GRM6: variants seen among roughly 807,000 people sequenced by gnomAD.
GRM6 encodes glutamate metabotropic receptor 6, also known as metabotropic glutamate receptor 6.
A neutral mutation model predicts 78.4 loss-of-function variants in GRM6; 73 were observed. That is an observed-to-expected ratio of 0.93 (90% CI 0.77 to 1.13). GRM6 has a LOEUF of 1.13. Ranked by LOEUF, GRM6 falls within the 50% of genes most tolerant of loss-of-function variation. GRM6 has a pLI of 0.00. For synonymous variants in GRM6, 580 were observed against 555.0 expected (o/e 1.05, Z -0.63); for missense variants, 1,251 against 1,256.4 (o/e 1.00, Z 0.07).
chr5:178,995,010 A>T, intron 1 of GRM6, 50 bp from the exon 2 acceptor site: 1 of 1,011,108 alleles, frequency 9.9e-7, no homozygotes, highest in East Asian at 5.8e-5. Flanking sequence ...GGGGAAGGAG[A>T]GCGCGGGCTC....
At chr5:178,987,168 C>T in intron 7 of GRM6, 185 bp from the exon 8 acceptor site, 2 of 713,210 alleles carry the variant, frequency 2.8e-6, no homozygotes, top group Non-Finnish European at 5.0e-6. Context: ...AGCCAAGAAC[C>T]AGAAAATAAC....
In GRM6 at chr5:178,978,713, CAT is replaced by C. The variant is rs1457897994; in HGVS notation, c.*2942_*2943del. ...ACCCAGAACTCCATTTTCACTGGAA[CAT>C]ATAATTCATACAAATAATTCAAGGG... On this transcript the variant is annotated 3_prime_UTR_variant, in exon 11 of 11. Coordinates refer to ENST00000517717, the MANE Select transcript of GRM6 (RefSeq NM_000843.4). 1 of 152,184 alleles carries C rather than the reference CAT, an allele frequency of 6.6e-6. No homozygotes were observed. The highest frequency in any genetic ancestry group is 1.5e-5 in the Non-Finnish European group (1 of 68,038). The allele number at this position is 152,184 out of a possible 1,614,324, so 9.4% of individuals were successfully genotyped here.
chr5:178,994,758 C>A lies in GRM6; in HGVS notation c.187G>T (p.Glu63Ter). ...AGRACGQLKK[E>*]QGVHRLEAML... ...GCCTCCAGCCGGTGCACGCCCTGCT[C>A]CTTCTTCAGCTGCCCGCACGCCCGG... is the stretch of plus-strand genomic sequence containing the variant. Residue 63 changes from glutamate to a stop codon, truncating the protein, a stop_gained, in exon 2 of 11, where the codon GAG becomes TAG. Transcript: ENST00000517717. LOFTEE classifies it high-confidence loss of function. 7.1e-7 allele frequency: 1 copy of A among 1,403,828 alleles called. No individual in the cohort carries two copies. Among genetic ancestry groups the A allele is most frequent in the Non-Finnish European group, 9.3e-7 (1 of 1,073,492 alleles). 87.0% of individuals were successfully genotyped at this position (1,403,828 alleles called of 1,614,324 possible). A position where few individuals can be genotyped will look rare whatever the true frequency, so the allele number is the denominator to read the frequency against.
Position 178,981,997 on chromosome 5 carries a change from G to A in GRM6, c.2437-143C>T. 4.0e-6 allele frequency: 3 copies of A among 751,410 alleles called. No homozygotes were observed. The highest frequency in any genetic ancestry group is 2.8e-5 in the South Asian group (2 of 70,292). The allele number at this position is 751,410 out of a possible 1,614,324, so 46.5% of individuals were successfully genotyped here. A position where few individuals can be genotyped will look rare whatever the true frequency, so the allele number is the denominator to read the frequency against. ...AGCACTTAGACCAGGACAACAGTAT[G>A]AGCAGGGGCCCCGCGCCTGAGGGGC... On this transcript the variant is annotated intron_variant, in intron 10 of 10. Coordinates refer to ENST00000517717, the MANE Select transcript of GRM6 (RefSeq NM_000843.4). The surrounding 1 kb of genome is among the most constrained non-coding windows in gnomAD (Gnocchi z 5.1).
At position 178,991,627 on chromosome 5, in the gene GRM6, C is replaced by T. The variant is rs779518997; in HGVS notation, c.722-68G>A. The T allele has an allele frequency of 6.6e-7, 1 of 1,520,792 alleles. No individual in the cohort carries two copies. Among genetic ancestry groups the T allele is most frequent in the Admixed American group, 1.7e-5 (1 of 59,536 alleles). The allele number at this position is 1,520,792 out of a possible 1,614,324, so 94.2% of individuals were successfully genotyped here. ...CCACACACCCACCTGGCCACCGCTG[C>T]AGAGGACTGTGTAGGCTGGCTGAAG... On this transcript the variant is annotated intron_variant, in intron 3 of 10. Coordinates refer to ENST00000517717, the MANE Select transcript of GRM6 (RefSeq NM_000843.4). The surrounding 1 kb of genome is among the most constrained non-coding windows in gnomAD (Gnocchi z 5.0).
At chr5:178,985,152 A>C in intron 9 of GRM6, 1 of 393,610 alleles carries the variant, frequency 2.5e-6, no homozygotes. Flanking sequence ...CCCAGGGAGC[A>C]GGGCAGCAGA....
chr5:178,991,819 G>A lies in GRM6; in HGVS notation c.721+48C>T, dbSNP rs757666149. 35 of 1,512,516 alleles carry A rather than the reference G, an allele frequency of 2.3e-5. No individual in the cohort carries two copies. Among genetic ancestry groups the A allele is most frequent in the Middle Eastern group, 3.4e-4 (2 of 5,898 alleles). 93.7% of individuals were successfully genotyped at this position (1,512,516 alleles called of 1,614,324 possible). On this transcript the variant is annotated intron_variant, in intron 3 of 10. Transcript: ENST00000517717. This position sits in a 1 kb window ranked among gnomAD's most constrained non-coding sequence, Gnocchi z 5.0. Reference sequence around the variant, plus strand: ...TGCTTCTGCCCCAACTGAGGGCCCCGGGCCCACACTATGTAGACTCCTTGG... The same window carrying A: ...TGCTTCTGCCCCAACTGAGGGCCCCAGGCCCACACTATGTAGACTCCTTGG...
rs70997654 is a variant in GRM6, at chr5:178,982,576, C to CAAAAAAAAAA, written c.2436+324_2436+333dup. 1.5e-4 allele frequency among the ~76,000 whole-genome samples: 3 copies of CAAAAAAAAAA among 20,184 alleles called. 1 individual carries two copies. Among genetic ancestry groups the CAAAAAAAAAA allele is most frequent in the Non-Finnish European group, 2.3e-4 (3 of 12,950 alleles). The allele number at this position is 20,184 out of a possible 152,430, so 13.2% of individuals were successfully genotyped here. On this transcript the variant is annotated intron_variant, in intron 10 of 10. Transcript: ENST00000517717. ...TGGGCAACAGAGTGAGACTCTGTCTCAAAAAAAAAAAAAAAAAAAAAAAAA... is the reference window on the plus strand; with the variant it reads ...TGGGCAACAGAGTGAGACTCTGTCTCAAAAAAAAAAAAAAAAAAAAAAAAAAAAAAAAAAA...
intron 8 of GRM6, 27 bp downstream of exon 8, chr5:178,986,811 C>T: frequency 1.9e-6 from 3 of 1,613,040 alleles, no homozygotes; most frequent in Non-Finnish European, 2.5e-6. Context: ...GGCCCATGCC[C>T]ACCTGGGGCT....
chr5:178,985,696 C>CT (rs1282257726), intron 9 of GRM6: 1 of 356,226 alleles, frequency 2.8e-6, no homozygotes, highest in African/African-American at 3.1e-5. Flanking sequence ...CAGCGAGACT[C>CT]TGTCTAAAAA....
intron 6 of GRM6, 54 bp downstream of exon 6, chr5:178,989,211 A>AACCCCCCCCCCCCCCCC: frequency 8.2e-6 from 1 of 121,736 alleles, no homozygotes. Context: ...CCCCCTCCCC[A>AACCCCCCCCCCCCCCCC]CCCTCACCAC....
chr5:178,986,948 C>G lies in GRM6; in HGVS notation c.1390G>C (p.Gly464Arg), dbSNP rs748724069. The change falls in exon 8 of 11, where the codon GGA becomes CGA. Residue 464 changes from glycine to arginine, a missense_variant. Gly to Arg is a moderately radical substitution (Grantham distance 125). Transcript: ENST00000517717. The part of the protein sequence containing the change: ...AGTPVMFNEN[G>R]DAPGRYDIFQ... ...ATGTCGTACCGCCCGGGCGCATCTC[C>G]GTTCTCGTTGAACATCACAGGGGTT... The G allele has an allele frequency of 2.0e-5, 33 of 1,613,896 alleles. No homozygotes were observed. Among genetic ancestry groups the G allele is most frequent in the African/African-American group, 4.0e-5 (3 of 74,938 alleles).
chr5:178,986,061 C>A, intron 9 of GRM6, 69 bp downstream of exon 9: 1 of 1,437,566 alleles, frequency 7.0e-7, no homozygotes, highest in Non-Finnish European at 9.5e-7. Flanking sequence ...TGTGCCTGGC[C>A]CTTTTGGCTT....
At chr5:178,984,798 G>C (rs774666612) in intron 9 of GRM6, among the ~76,000 whole-genome samples, 1 of 152,078 alleles carries the variant, frequency 6.6e-6, no homozygotes, top group Non-Finnish European at 1.5e-5. Flanking sequence ...AATAGAGAAG[G>C]GGCTCGCCGG....
Position 178,988,059 on chromosome 5 carries a change from C to A in GRM6, c.1354+876G>T, listed in dbSNP as rs1001952128. ...ACAGGAGTGAGCCATTGCGCCCAGA[C>A]TGAATGTATTTAATATCACTGAACT... On this transcript the variant is annotated intron_variant, in intron 7 of 10. Transcript: ENST00000517717. The surrounding 1 kb of genome is among the most constrained non-coding windows in gnomAD (Gnocchi z 6.0). Among the ~76,000 whole-genome samples the A allele has an allele frequency of 6.6e-6, 1 of 152,010 alleles. No individual in the cohort carries two copies. Among genetic ancestry groups the A allele is most frequent in the African/African-American group, 2.4e-5 (1 of 41,376 alleles).
At chr5:178,985,662 C>T (rs1159090820) in intron 9 of GRM6, 1 of 396,208 alleles carries the variant, frequency 2.5e-6, no homozygotes, top group Non-Finnish European at 4.9e-6. Flanking sequence ...GAGATAGTGC[C>T]ACTGCACTCC....
Position 178,991,701 on chromosome 5 carries a change from AG to A in GRM6, c.722-143del. 1 of 1,198,138 alleles carries A rather than the reference AG, an allele frequency of 8.3e-7. No individual in the cohort carries two copies. Among genetic ancestry groups the A allele is most frequent in the Non-Finnish European group, 1.2e-6 (1 of 814,420 alleles). The allele number at this position is 1,198,138 out of a possible 1,614,324, so 74.2% of individuals were successfully genotyped here. On this transcript the variant is annotated intron_variant, in intron 3 of 10. Transcript: ENST00000517717. The surrounding 1 kb of genome is among the most constrained non-coding windows in gnomAD (Gnocchi z 5.0). The stretch of plus-strand genomic sequence containing the variant: ...CTGCACCCTCCGCCAAGCCTGAGGC[AG>A]GGCTGAGTCGTCCAAAACAAAGAGG...
chr5:178,985,286 T>C, intron 9 of GRM6: 1 of 456,518 alleles, frequency 2.2e-6, no homozygotes, highest in Non-Finnish European at 4.4e-6. Context: ...GAAAGATCTC[T>C]GGAGGCCCAC....
Position 178,981,477 on chromosome 5 carries a change from G to C in GRM6, c.*180C>G. ...GAGGAAGCATGAAGCTCACATGCTG[G>C]AATCGGGGTAGAGCTGGGTCCAGTT... On this transcript the variant is annotated 3_prime_UTR_variant, in exon 11 of 11. Transcript: ENST00000517717. The surrounding 1 kb of genome is among the most constrained non-coding windows in gnomAD (Gnocchi z 5.1). 1.7e-6 allele frequency: 1 copy of C among 596,652 alleles called. No homozygotes were observed. The highest frequency in any genetic ancestry group is 3.0e-6 in the Non-Finnish European group (1 of 334,692). 37.0% of individuals were successfully genotyped at this position (596,652 alleles called of 1,614,324 possible). A position where few individuals can be genotyped will look rare whatever the true frequency, so the allele number is the denominator to read the frequency against.
Sources: allele counts gnomAD v4.1 joint callset (sites outside exome capture counted in the v4.1 genomes callset), GRCh38; gene constraint gnomAD v4.1.1; non-coding constraint Gnocchi (gnomAD v3.1); transcripts MANE v1.5; gene names NCBI Gene and HGNC (gene_info 2026-07-23, HGNC 2026-07-21).